ROBO2: variants seen among roughly 807,000 people sequenced by gnomAD.
The protein encoded by ROBO2 is roundabout guidance receptor 2.
ROBO2 carries 53 observed loss-of-function variants against 160.8 expected under a neutral mutation model. That is an observed-to-expected ratio of 0.33 (90% CI 0.26 to 0.41). ROBO2 has a LOEUF of 0.41. Ranked by LOEUF, ROBO2 falls within the 10% of genes least tolerant of loss-of-function variation. ROBO2 has a pLI of 1.00. For synonymous variants in ROBO2, 664 were observed against 611.7 expected (o/e 1.09, Z -1.26); for missense variants, 1,577 against 1,722.4 (o/e 0.92, Z 1.49).
chr3:76,856,874 A>G (rs974645530), intron 2 of ROBO2, among the ~76,000 whole-genome samples: 2 of 152,226 alleles, frequency 1.3e-5, no homozygotes, highest in African/African-American at 4.8e-5. Context: ...TTAGAACAAC[A>G]TATACATTTA....
chr3:76,319,925 A>G (rs1344514724), intron 2 of ROBO2, among the ~76,000 whole-genome samples: 2 of 152,034 alleles, frequency 1.3e-5, no homozygotes, highest in Non-Finnish European at 2.9e-5. Flanking sequence ...GGTCTAGGAA[A>G]TACTCTGTAT....
intron 2 of ROBO2, among the ~76,000 whole-genome samples, chr3:77,235,627 T>C: frequency 6.6e-6 from 1 of 152,238 alleles, no homozygotes; most frequent in East Asian, 1.9e-4. Context: ...GTCTCAGATA[T>C]TTCAGAATAC....
chr3:77,126,782 CTTTTTTTTTTTTTT>C (rs11365042), intron 2 of ROBO2, among the ~76,000 whole-genome samples: 1 of 62,626 alleles, frequency 1.6e-5, no homozygotes, highest in Non-Finnish European at 2.8e-5. Context: ...TTTGAAACTT[CTTTTTTTTTTTTTT>C]TTTTTTTTTT....
At chr3:77,267,382 G>A (rs1218900432) in intron 2 of ROBO2, among the ~76,000 whole-genome samples, 1 of 152,174 alleles carries the variant, frequency 6.6e-6, no homozygotes, top group Non-Finnish European at 1.5e-5. Flanking sequence ...AAACTCGGCA[G>A]AAAGAAATGA....
At chr3:77,185,888 T>A (rs2081237279) in intron 2 of ROBO2, among the ~76,000 whole-genome samples, 1 of 151,824 alleles carries the variant, frequency 6.6e-6, no homozygotes, top group African/African-American at 2.4e-5. Context: ...GCAACCTGGA[T>A]GAGATTGGAG....
At chr3:76,031,460 T>A (rs972342764) in intron 2 of ROBO2, among the ~76,000 whole-genome samples, 3 of 152,318 alleles carry the variant, frequency 2.0e-5, no homozygotes, top group African/African-American at 7.2e-5. Context: ...AGGGAATGCC[T>A]ACAGTTTTTG....
chr3:77,382,949 ACTT>A, intron 2 of ROBO2, among the ~76,000 whole-genome samples: 1 of 152,236 alleles, frequency 6.6e-6, no homozygotes, highest in South Asian at 2.1e-4. Flanking sequence ...CCAACAAAAT[ACTT>A]TTTTTTAATG....
At chr3:76,506,401 T>C (rs958058896) in intron 2 of ROBO2, among the ~76,000 whole-genome samples, 3 of 152,142 alleles carry the variant, frequency 2.0e-5, no homozygotes, top group African/African-American at 7.2e-5. Context: ...CCAGCTACAC[T>C]AGATTACATG....
At chr3:77,250,611 T>C (rs1257747187) in intron 2 of ROBO2, among the ~76,000 whole-genome samples, 1 of 152,236 alleles carries the variant, frequency 6.6e-6, no homozygotes, top group East Asian at 1.9e-4. Flanking sequence ...TAGTCTCTTG[T>C]GTTTTGCTAA....
intron 2 of ROBO2, among the ~76,000 whole-genome samples, chr3:77,467,074 G>A (rs1302105627): frequency 1.3e-5 from 2 of 152,192 alleles, no homozygotes; most frequent in African/African-American, 2.4e-5. Flanking sequence ...GGTGGGAGGA[G>A]AGAGGCGATC....
At chr3:76,331,464 C>T (rs533805772) in intron 2 of ROBO2, among the ~76,000 whole-genome samples, 3 of 151,860 alleles carry the variant, frequency 2.0e-5, no homozygotes, top group South Asian at 2.1e-4. Context: ...AATCTTCATT[C>T]GTTTCATTTT....
At chr3:76,567,436 C>T (rs2084599097) in intron 2 of ROBO2, among the ~76,000 whole-genome samples, 1 of 151,322 alleles carries the variant, frequency 6.6e-6, no homozygotes. Flanking sequence ...TGTTTAATAT[C>T]TTAGGTATCA....
intron 2 of ROBO2, among the ~76,000 whole-genome samples, chr3:76,346,377 A>G (rs2074532824): frequency 6.6e-6 from 1 of 152,020 alleles, no homozygotes; most frequent in African/African-American, 2.4e-5. Flanking sequence ...CCTCTTCCTT[A>G]GAAAGCATTG....
At chr3:76,122,822 A>G (rs894955080) in intron 2 of ROBO2, among the ~76,000 whole-genome samples, 9 of 152,178 alleles carry the variant, frequency 5.9e-5, no homozygotes, top group African/African-American at 1.9e-4. Context: ...CAATAAAAAT[A>G]CCCTTCTTCA....
At chr3:76,464,876 T>A (rs1196270047) in intron 2 of ROBO2, among the ~76,000 whole-genome samples, 1 of 152,140 alleles carries the variant, frequency 6.6e-6, no homozygotes, top group African/African-American at 2.4e-5. Flanking sequence ...CTCTCCTAGA[T>A]AAACCATTTC....
intron 2 of ROBO2, among the ~76,000 whole-genome samples, chr3:76,206,192 GC>G (rs1351956547): frequency 1.3e-5 from 2 of 152,070 alleles, no homozygotes; most frequent in African/African-American, 2.4e-5. Flanking sequence ...TGACCTGGCT[GC>G]CCCAAAGCCT....
intron 2 of ROBO2, among the ~76,000 whole-genome samples, chr3:76,809,213 T>C (rs988588872): frequency 1.3e-5 from 2 of 152,144 alleles, no homozygotes; most frequent in Non-Finnish European, 2.9e-5. Flanking sequence ...TAGGCTGAAA[T>C]TTTATCAGAG....
intron 2 of ROBO2, among the ~76,000 whole-genome samples, chr3:76,845,690 T>C (rs557551778): frequency 5.9e-5 from 9 of 152,046 alleles, no homozygotes; most frequent in Admixed American, 2.0e-4. Flanking sequence ...CTTTATACTT[T>C]CTTCAATCAT....
intron 1 of ROBO2, among the ~76,000 whole-genome samples, chr3:77,053,562 T>A (rs2065428044): frequency 1.3e-5 from 2 of 152,160 alleles, no homozygotes; most frequent in South Asian, 4.1e-4. Context: ...GTGGGTGATG[T>A]CTCAAGATCA....
Sources: gnomAD v4.1 joint callset for allele counts (sites outside exome capture counted in the v4.1 genomes callset) on GRCh38, gnomAD v4.1.1 for gene constraint, MANE v1.5 for transcripts, NCBI Gene and HGNC (gene_info 2026-07-23, HGNC 2026-07-21) for gene names.